The following DPY19L2 variants were observed in gnomAD, a reference collection of about 807,000 sequenced individuals.
DPY19L2 encodes dpy-19 like 2.
In DPY19L2, 34 loss-of-function variants were observed where a neutral mutation model predicts 97.9. That is an observed-to-expected ratio of 0.35 (90% CI 0.26 to 0.46). The LOEUF (loss-of-function observed/expected upper bound fraction) is 0.46, where lower values mean the gene tolerates loss of function less well. DPY19L2 is among the 20% of genes least tolerant of loss of function. The pLI is 1.00. For missense variants in DPY19L2, 623 were observed against 911.4 expected, an observed-to-expected ratio of 0.68 and a Z score of 4.07; for synonymous variants, 230 against 307.9, an observed-to-expected ratio of 0.75 and a Z score of 2.65.
intron 11 of DPY19L2, among the ~76,000 whole-genome samples, chr12:63,611,717 C>A (rs1268926927): frequency 6.6e-6 from 1 of 152,022 alleles, no homozygotes; most frequent in African/African-American, 2.4e-5. Context: ...GAAGACACAG[C>A]AATAGTAACT....
chr12:63,628,372 A>G (rs1889949039), intron 6 of DPY19L2, among the ~76,000 whole-genome samples: 1 of 152,294 alleles, frequency 6.6e-6, no homozygotes, highest in Non-Finnish European at 1.5e-5. Context: ...CTACCCTAAC[A>G]GTGCGCTTTT....
At chr12:63,662,646 A>G (rs1022782471) in intron 3 of DPY19L2, among the ~76,000 whole-genome samples, 5 of 152,150 alleles carry the variant, frequency 3.3e-5, no homozygotes, top group African/African-American at 1.2e-4. Context: ...CTGAGAGGTG[A>G]CCTGACTAGC....
Position 63,562,450 on chromosome 12 carries a change from G to A in DPY19L2, c.2127-1788C>T, listed in dbSNP as rs566148950. ...CTGATAAATAAGTGGATTGTTTCCA[G>A]TTTGGGGCTAATACAGAAAATAAAG... On this transcript the variant is annotated intron_variant, in intron 21 of 21. Coordinates refer to ENST00000324472, the MANE Select transcript of DPY19L2 (RefSeq NM_173812.5). Among the ~76,000 whole-genome samples the A allele has an allele frequency of 2.6e-5, 4 of 152,308 alleles. No individual in the cohort carries two copies. In the South Asian group the frequency reaches 8.3e-4, roughly 32 times the overall value.
rs559875979 is a variant in DPY19L2, at chr12:63,560,207, C to T, written c.*305G>A. 16 of 202,490 alleles carry T rather than the reference C, an allele frequency of 7.9e-5. No individual in the cohort carries two copies. The highest frequency in any genetic ancestry group is 3.5e-4 in the African/African-American group (15 of 42,798). The allele number at this position is 202,490 out of a possible 1,614,324, so 12.5% of individuals were successfully genotyped here. On this transcript the variant is annotated 3_prime_UTR_variant, in exon 22 of 22. Coordinates refer to ENST00000324472, the MANE Select transcript of DPY19L2 (RefSeq NM_173812.5). Reference sequence around the variant, plus strand: ...GTTGGATGAAAAAGGACTTACATACCCCTGATTTATTAAAATTCATTGTTC... The same window carrying T: ...GTTGGATGAAAAAGGACTTACATACTCCTGATTTATTAAAATTCATTGTTC...
At chr12:63,630,226 T>C (rs1457616121) in intron 6 of DPY19L2, among the ~76,000 whole-genome samples, 1 of 152,098 alleles carries the variant, frequency 6.6e-6, no homozygotes, top group Non-Finnish European at 1.5e-5. Context: ...ATATTAACCT[T>C]AAATGTAAAT....
At chr12:63,578,959 G>A (rs970253864) in intron 19 of DPY19L2, among the ~76,000 whole-genome samples, 8 of 152,052 alleles carry the variant, frequency 5.3e-5, no homozygotes, top group Non-Finnish European at 1.2e-4. Flanking sequence ...TGCTAAGGTT[G>A]GGAAATGCTG....
Position 63,668,443 on chromosome 12 carries a change from A to T in DPY19L2, c.-50T>A, listed in dbSNP as rs1896600156. On this transcript the variant is annotated 5_prime_UTR_variant, in exon 1 of 22. Coordinates refer to ENST00000324472, the MANE Select transcript of DPY19L2 (RefSeq NM_173812.5). ...GTCAATTTCAGGCACAGCCCAGCCG[A>T]GTCAGGCGAGGTCCAGAGAGACCTG... 5 of 1,506,302 alleles carry T rather than the reference A, an allele frequency of 3.3e-6. No homozygotes were observed. The highest frequency in any genetic ancestry group is 4.4e-6 in the Non-Finnish European group (5 of 1,128,396). The allele number at this position is 1,506,302 out of a possible 1,614,324, so 93.3% of individuals were successfully genotyped here. A position where few individuals can be genotyped will look rare whatever the true frequency, so the allele number is the denominator to read the frequency against.
In DPY19L2 at chr12:63,618,246, A is replaced by G. The variant is rs1267212571; in HGVS notation, c.1054-18T>C. ...GATGCTATCTGAAATAATATAAAAA[A>G]GCAAAAGTGAAAAAAAGTATAGAAA... On this transcript the variant is annotated intron_variant, in intron 9 of 21. Transcript: ENST00000324472. The G allele has an allele frequency of 9.0e-7, 1 of 1,115,210 alleles. No homozygotes were observed. The highest frequency in any genetic ancestry group is 2.8e-5 in the Admixed American group (1 of 35,182). The allele number at this position is 1,115,210 out of a possible 1,614,324, so 69.1% of individuals were successfully genotyped here. A position where few individuals can be genotyped will look rare whatever the true frequency, so the allele number is the denominator to read the frequency against.
At chr12:63,632,303 C>T (rs1024459689) in intron 6 of DPY19L2, among the ~76,000 whole-genome samples, 4 of 152,002 alleles carry the variant, frequency 2.6e-5, no homozygotes, top group African/African-American at 7.2e-5. Flanking sequence ...CATGATTGTA[C>T]ATCTAGAAAA....
rs1367187433 is a variant in DPY19L2 at position 63,610,875 on chromosome 12, A to AAC, written c.1219-2201_1219-2200insGT. Among the ~76,000 whole-genome samples, 73 of 103,402 alleles carry AAC rather than the reference A, an allele frequency of 7.1e-4. No individual in the cohort carries two copies. The East Asian group carries it at 8.5e-3, about 12-fold the overall frequency. 67.8% of individuals were successfully genotyped at this position (103,402 alleles called of 152,430 possible). On this transcript the variant is annotated intron_variant, in intron 11 of 21. Transcript: ENST00000324472. ...AAAAAAAAAAAAAAAAAAAAAAAAAACCACACACACACACAAATATTTCTT... is the reference window on the plus strand; with the variant it reads ...AAAAAAAAAAAAAAAAAAAAAAAAAAACCCACACACACACACAAATATTTCTT...
intron 12 of DPY19L2, among the ~76,000 whole-genome samples, chr12:63,606,593 G>T (rs1438703878): frequency 6.6e-6 from 1 of 152,086 alleles, no homozygotes; most frequent in Non-Finnish European, 1.5e-5. Flanking sequence ...ATCACAAGTG[G>T]ATTATCTTTA....
intron 12 of DPY19L2, among the ~76,000 whole-genome samples, chr12:63,607,346 A>G (rs1263628688): frequency 6.6e-6 from 1 of 152,178 alleles, no homozygotes; most frequent in African/African-American, 2.4e-5. Flanking sequence ...AGAATTATAT[A>G]TTACAAGTGT....
intron 16 of DPY19L2, 174 bp from the exon 17 acceptor site, chr12:63,584,010 T>G (rs1881372312): frequency 1.8e-6 from 1 of 560,892 alleles, no homozygotes; most frequent in African/African-American, 1.9e-5. Flanking sequence ...TTACAACAAT[T>G]TAAAAGTCAT....
intron 16 of DPY19L2, among the ~76,000 whole-genome samples, chr12:63,584,831 T>G (rs1487551469): frequency 6.6e-6 from 1 of 152,194 alleles, no homozygotes; most frequent in African/African-American, 2.4e-5. Flanking sequence ...AGAAAAAACA[T>G]CATATGCTGA....
At chr12:63,636,243 C>G (rs1219909957) in intron 6 of DPY19L2, among the ~76,000 whole-genome samples, 1 of 152,042 alleles carries the variant, frequency 6.6e-6, no homozygotes, top group Admixed American at 6.5e-5. Flanking sequence ...ATTTTGTCAC[C>G]ACCAGGCCTG....
chr12:63,609,809 C>T (rs922752113), intron 11 of DPY19L2, among the ~76,000 whole-genome samples: 9 of 152,090 alleles, frequency 5.9e-5, no homozygotes, highest in Non-Finnish European at 1.0e-4. Flanking sequence ...ACTGAATTCT[C>T]GGACTTGCGT....
At chr12:63,637,198 C>T (rs549562015) in intron 6 of DPY19L2, among the ~76,000 whole-genome samples, 10 of 152,080 alleles carry the variant, frequency 6.6e-5, no homozygotes, top group African/African-American at 2.4e-4. Context: ...GGGTACATAA[C>T]GAAATGAAAG....
chr12:63,648,871 A>G (rs1172064225), intron 4 of DPY19L2, among the ~76,000 whole-genome samples: 1 of 152,198 alleles, frequency 6.6e-6, no homozygotes, highest in Non-Finnish European at 1.5e-5. Context: ...ATTCCAATAC[A>G]GAGATGAAAG....
At chr12:63,590,204 T>C (rs1403934231) in intron 16 of DPY19L2, among the ~76,000 whole-genome samples, 3 of 151,600 alleles carry the variant, frequency 2.0e-5, no homozygotes, top group Non-Finnish European at 4.4e-5. Context: ...AACAAACACA[T>C]GAAAAGCTGC....
Sources: gnomAD v4.1 joint callset for allele counts (sites outside exome capture counted in the v4.1 genomes callset) on GRCh38, gnomAD v4.1.1 for gene constraint, MANE v1.5 for transcripts, NCBI Gene and HGNC (gene_info 2026-07-23, HGNC 2026-07-21) for gene names.